The following SDK1 variants were observed in gnomAD, a reference collection of about 807,000 sequenced individuals.
The protein encoded by SDK1 is sidekick cell adhesion molecule 1, also known as protein sidekick-1.
A neutral mutation model predicts 245.5 loss-of-function variants in SDK1; 157 were observed. The ratio of observed to expected loss-of-function variants is 0.64; its 90% confidence interval spans 0.56 to 0.73. The LOEUF (loss-of-function observed/expected upper bound fraction) is 0.73. SDK1 is among the 30% of genes least tolerant of loss of function. The pLI, the probability that SDK1 is intolerant of heterozygous loss-of-function variation, is 0.00. For synonymous variants in SDK1, 1,647 were observed against 1,278.5 expected, an observed-to-expected ratio of 1.29 and a Z score of -6.15; for missense variants, 3,583 against 3,002.3, an observed-to-expected ratio of 1.19 and a Z score of -4.52.
At chr7:3,489,059 C>G (rs1375540976) in intron 1 of SDK1, among the ~76,000 whole-genome samples, 1 of 152,064 alleles carries the variant, frequency 6.6e-6, no homozygotes, top group Non-Finnish European at 1.5e-5. Flanking sequence ...AATGTTGATT[C>G]ATGGCTTGAG....
At chr7:4,209,247 C>CA (rs2128227966) in intron 37 of SDK1, among the ~76,000 whole-genome samples, 1 of 152,264 alleles carries the variant, frequency 6.6e-6, no homozygotes, top group Admixed American at 6.5e-5. Context: ...CCTGGCAGGT[C>CA]ACAGCTGTGG....
intron 35 of SDK1, among the ~76,000 whole-genome samples, chr7:4,198,752 C>A (rs7779906): frequency 3.9e-5 from 6 of 152,086 alleles, no homozygotes; most frequent in Admixed American, 2.6e-4. Flanking sequence ...CGAGCTCATT[C>A]TGAGGCCTCT....
At chr7:3,899,993 A>G (rs1781729448) in intron 5 of SDK1, among the ~76,000 whole-genome samples, 1 of 152,264 alleles carries the variant, frequency 6.6e-6, no homozygotes, top group Non-Finnish European at 1.5e-5. Flanking sequence ...CTAACTGTGA[A>G]ATATTTCAGC....
intron 4 of SDK1, among the ~76,000 whole-genome samples, chr7:3,664,294 C>T (rs1003320735): frequency 6.6e-6 from 1 of 152,150 alleles, no homozygotes; most frequent in African/African-American, 2.4e-5. Context: ...AAACACCAGG[C>T]TGTTAATTAC....
At position 3,943,618 on chromosome 7, in the gene SDK1, A is replaced by C. The variant is rs573072719; in HGVS notation, c.848-7305A>C. On this transcript the variant is annotated intron_variant, in intron 5 of 44. Transcript: ENST00000404826. Reference sequence around the variant, plus strand: ...ATTCGACCGCTCCCCAACCCGGCGCACGGTGCGGGGCTGCCGTGGAAGGGG... The same window carrying C: ...ATTCGACCGCTCCCCAACCCGGCGCCCGGTGCGGGGCTGCCGTGGAAGGGG... Among the ~76,000 whole-genome samples the C allele has an allele frequency of 2.6e-3, 388 of 151,282 alleles. 1 individual carries two copies. Among genetic ancestry groups the C allele is most frequent in the African/African-American group, 9.1e-3 (375 of 41,180 alleles).
intron 19 of SDK1, among the ~76,000 whole-genome samples, chr7:4,058,265 A>G (rs1779320305): frequency 6.6e-6 from 1 of 152,150 alleles, no homozygotes; most frequent in Non-Finnish European, 1.5e-5. Context: ...AAATTTAAAA[A>G]TACAATAGTA....
At chr7:3,590,878 G>C (rs934061750) in intron 1 of SDK1, among the ~76,000 whole-genome samples, 1 of 151,006 alleles carries the variant, frequency 6.6e-6, no homozygotes, top group East Asian at 2.0e-4. Context: ...GACCTCCCAG[G>C]CTCAAGCGAT....
intron 5 of SDK1, among the ~76,000 whole-genome samples, chr7:3,859,156 C>G (rs1780622727): frequency 6.6e-6 from 1 of 152,158 alleles, no homozygotes; most frequent in Non-Finnish European, 1.5e-5. Context: ...GCCACCAAGC[C>G]CGGCCCATAT....
At chr7:4,182,432 C>G in intron 35 of SDK1, among the ~76,000 whole-genome samples, 1 of 152,226 alleles carries the variant, frequency 6.6e-6, no homozygotes, top group East Asian at 1.9e-4. Flanking sequence ...GATCAGAATA[C>G]CTTTGTCATT....
intron 4 of SDK1, among the ~76,000 whole-genome samples, chr7:3,732,301 C>T (rs1779203298): frequency 6.6e-6 from 1 of 152,082 alleles, no homozygotes; most frequent in Admixed American, 6.5e-5. Context: ...TATTTATAGG[C>T]ATGTGTAAAT....
chr7:3,871,727 C>T (rs1192212183), intron 5 of SDK1, among the ~76,000 whole-genome samples: 10 of 152,196 alleles, frequency 6.6e-5, no homozygotes, highest in Non-Finnish European at 1.3e-4. Context: ...TAGTGAATGA[C>T]CAACCCTTTC....
At chr7:4,024,942 G>T (rs544269818) in intron 17 of SDK1, among the ~76,000 whole-genome samples, 3 of 151,970 alleles carry the variant, frequency 2.0e-5, no homozygotes, top group Admixed American at 1.3e-4. Flanking sequence ...TCACTCTGCC[G>T]CCGTAGAGGG....
chr7:3,319,622 T>C (rs1361859307), intron 1 of SDK1, among the ~76,000 whole-genome samples: 2 of 152,174 alleles, frequency 1.3e-5, no homozygotes, highest in African/African-American at 4.8e-5. Flanking sequence ...GTTTCTGCAA[T>C]TGTATACTGC....
intron 1 of SDK1, among the ~76,000 whole-genome samples, chr7:3,463,433 T>TTTTG (rs1279619607): frequency 2.0e-5 from 3 of 152,294 alleles, no homozygotes; most frequent in South Asian, 4.1e-4. Flanking sequence ...TTGTGTGACC[T>TTTTG]TGGACAAGCT....
chr7:3,665,847 C>G (rs944717936), intron 4 of SDK1, among the ~76,000 whole-genome samples: 2 of 152,212 alleles, frequency 1.3e-5, no homozygotes, highest in Middle Eastern at 3.4e-3. Flanking sequence ...GCTTTTCTCT[C>G]TTTATTAACA....
intron 1 of SDK1, among the ~76,000 whole-genome samples, chr7:3,482,220 A>G (rs1035450410): frequency 1.3e-5 from 2 of 152,238 alleles, no homozygotes; most frequent in Admixed American, 6.5e-5. Flanking sequence ...AATTAAAAAT[A>G]TTAGAGGAGA....
At chr7:3,352,875 G>A (rs1330270438) in intron 1 of SDK1, among the ~76,000 whole-genome samples, 2 of 151,916 alleles carry the variant, frequency 1.3e-5, no homozygotes, top group Non-Finnish European at 2.9e-5. Context: ...CCGAAGAGTG[G>A]GAATCTAAAT....
chr7:4,086,372 G>C (rs1159595923), intron 22 of SDK1, among the ~76,000 whole-genome samples: 1 of 152,198 alleles, frequency 6.6e-6, no homozygotes, highest in Admixed American at 6.5e-5. Flanking sequence ...CAGGTCAGAA[G>C]TCCAGCATGG....
At chr7:3,799,492 C>A (rs1350740028) in intron 4 of SDK1, among the ~76,000 whole-genome samples, 2 of 151,836 alleles carry the variant, frequency 1.3e-5, no homozygotes, top group Non-Finnish European at 2.9e-5. Context: ...ATCACGAGGT[C>A]AGGAGATCGA....
Sources: gnomAD v4.1 joint callset for allele counts (sites outside exome capture counted in the v4.1 genomes callset) on GRCh38, gnomAD v4.1.1 for gene constraint, MANE v1.5 for transcripts, NCBI Gene and HGNC (gene_info 2026-07-23, HGNC 2026-07-21) for gene names.